CENPL: variants seen among roughly 807,000 people sequenced by gnomAD.
The protein encoded by CENPL is centromere protein L, also known as interphase centromere complex protein 33.
In CENPL, 20 loss-of-function variants were observed where a neutral mutation model predicts 35.2. That is an observed-to-expected ratio of 0.57 (90% CI 0.40 to 0.83). The LOEUF (loss-of-function observed/expected upper bound fraction) is 0.83, where lower values mean the gene tolerates loss of function less well. Ranked by LOEUF, CENPL falls within the 40% of genes least tolerant of loss-of-function variation. The pLI is 0.00. For missense variants in CENPL, 363 were observed against 395.8 expected (o/e 0.92, Z 0.70); for synonymous variants, 140 against 140.6 (o/e 1.00, Z 0.03).
At chr1:173,821,559 G>A (rs1289224413) in intron 2 of CENPL, among the ~76,000 whole-genome samples, 1 of 152,156 alleles carries the variant, frequency 6.6e-6, no homozygotes, top group Non-Finnish European at 1.5e-5. Flanking sequence ...TGTCAATTGT[G>A]TATTTAATGT....
intron 2 of CENPL, among the ~76,000 whole-genome samples, chr1:173,816,605 T>C (rs1651403003): frequency 6.6e-6 from 1 of 152,180 alleles, no homozygotes; most frequent in Admixed American, 6.5e-5. Flanking sequence ...ATTTAATAAA[T>C]GGTGCTGGGA....
intron 5 of CENPL, among the ~76,000 whole-genome samples, chr1:173,802,755 A>T (rs1649867140): frequency 6.6e-6 from 1 of 152,208 alleles, no homozygotes; most frequent in Non-Finnish European, 1.5e-5. Flanking sequence ...CCAAAAGCTG[A>T]AGCACACAGC....
At position 173,803,354 on chromosome 1, in the gene CENPL, G is replaced by C; in HGVS notation, c.572C>G (p.Ser191Cys). 6.2e-7 allele frequency: 1 copy of C among 1,614,058 alleles called. No homozygotes were observed. Among genetic ancestry groups the C allele is most frequent in the Non-Finnish European group, 8.5e-7 (1 of 1,179,942 alleles). The change falls in exon 5 of 6, where the codon TCT (serine) becomes TGT (cysteine). Residue 191 changes from serine (S) to cysteine (C), a missense_variant. By Grantham distance (112) the Ser-to-Cys change is moderately radical (BLOSUM62 -1). Transcript: ENST00000682279. ...CCAAGTTCCAATTATTGCTGTGTTAGACTCTGCTCCATTTGCAAGGAATAA... is the reference window on the plus strand; with the variant it reads ...CCAAGTTCCAATTATTGCTGTGTTACACTCTGCTCCATTTGCAAGGAATAA... ...LPLFLANGAESNTAIIGTWFQ... is the reference protein window; with the variant it reads ...LPLFLANGAECNTAIIGTWFQ...
chr1:173,815,568 A>T (rs902727068), intron 2 of CENPL, among the ~76,000 whole-genome samples: 1 of 152,220 alleles, frequency 6.6e-6, no homozygotes, highest in Non-Finnish European at 1.5e-5. Flanking sequence ...TCACATAAAC[A>T]GAAACAACAA....
chr1:173,813,429 G>T (rs1051831244), intron 2 of CENPL, among the ~76,000 whole-genome samples: 5 of 152,156 alleles, frequency 3.3e-5, no homozygotes, highest in Non-Finnish European at 5.9e-5. Flanking sequence ...CAGAGAGAAA[G>T]GTCGGGTTAC....
chr1:173,810,916 C>A (rs1650753204), intron 3 of CENPL, among the ~76,000 whole-genome samples: 1 of 151,300 alleles, frequency 6.6e-6, no homozygotes, highest in South Asian at 2.1e-4. Flanking sequence ...GACTCTGTCT[C>A]AAAATAAATA....
intron 2 of CENPL, among the ~76,000 whole-genome samples, chr1:173,813,388 T>C (rs1036542601): frequency 7.9e-5 from 12 of 151,750 alleles, no homozygotes; most frequent in African/African-American, 2.7e-4. Context: ...TTCACCAAGG[T>C]TGAAATGAAG....
intron 2 of CENPL, among the ~76,000 whole-genome samples, chr1:173,814,809 C>T (rs1312736368): frequency 1.3e-5 from 2 of 151,990 alleles, no homozygotes; most frequent in East Asian, 1.9e-4. Context: ...CAAAAGCTAG[C>T]AGAAGGCAAG....
intron 3 of CENPL, among the ~76,000 whole-genome samples, chr1:173,809,360 G>A (rs778577263): frequency 1.7e-4 from 26 of 151,728 alleles, no homozygotes; most frequent in Non-Finnish European, 3.2e-4. Flanking sequence ...AGGGTGGGGA[G>A]GGTTGATCAC....
At chr1:173,812,688 C>G (rs1462188220) in intron 2 of CENPL, among the ~76,000 whole-genome samples, 1 of 152,138 alleles carries the variant, frequency 6.6e-6, no homozygotes, top group Non-Finnish European at 1.5e-5. Context: ...ACATCAAACA[C>G]CAAAGGTAGA....
chr1:173,806,898 A>AT (rs1007513089), intron 4 of CENPL, among the ~76,000 whole-genome samples: 1 of 152,122 alleles, frequency 6.6e-6, no homozygotes, highest in Non-Finnish European at 1.5e-5. Flanking sequence ...TTATACTAAA[A>AT]TTCTACTTAT....
At chr1:173,806,547 G>GTA in intron 4 of CENPL, 2 of 397,996 alleles carry the variant, frequency 5.0e-6, no homozygotes, top group South Asian at 3.4e-5. Context: ...TCGTGCCACT[G>GTA]TACTCCAGCC....
At position 173,820,217 on chromosome 1, in the gene CENPL, G is replaced by A. The variant is rs1039617210; in HGVS notation, c.-8+3709C>T. Among the ~76,000 whole-genome samples, 3 of 152,060 alleles carry A rather than the reference G, an allele frequency of 2.0e-5. No homozygotes were observed. In the East Asian group the frequency reaches 5.8e-4, roughly 29 times the overall value. On this transcript the variant is annotated intron_variant, in intron 2 of 5. Coordinates refer to ENST00000682279, the MANE Select transcript of CENPL (RefSeq NM_001387287.1). ...CATGTCAGTGCTCAAAAAGATTCAC[G>A]TTATGGGGCATTTCAGACTTCAGAT...
intron 2 of CENPL, among the ~76,000 whole-genome samples, chr1:173,820,510 T>A (rs1651842785): frequency 6.6e-6 from 1 of 151,722 alleles, no homozygotes; most frequent in Non-Finnish European, 1.5e-5. Flanking sequence ...TGAGACCCTC[T>A]CTAATTAATA....
intron 4 of CENPL, chr1:173,806,333 C>A (rs1650220681): frequency 3.9e-5 from 12 of 310,410 alleles, no homozygotes; most frequent in South Asian, 2.3e-4. Flanking sequence ...TGCCTGTAAT[C>A]CCAGCACTTT....
At chr1:173,805,300 C>G (rs966663008) in intron 4 of CENPL, among the ~76,000 whole-genome samples, 1 of 152,048 alleles carries the variant, frequency 6.6e-6, no homozygotes, top group Non-Finnish European at 1.5e-5. Context: ...GGGTGGATCA[C>G]GAGCTCAGGA....
At chr1:173,807,145 C>T in intron 4 of CENPL, 122 bp downstream of exon 4, 8 of 730,780 alleles carry the variant, frequency 1.1e-5, no homozygotes, top group Non-Finnish European at 1.4e-5. Flanking sequence ...TGATTTTGTA[C>T]ACAAACTACC....
rs200103202 is a variant in CENPL, at chr1:173,811,283, G to A, written c.17C>T (p.Ala6Val). MDSYS[A>V]PESTPSASSR... is the part of the protein sequence containing the mutation. ...GGATGCACTAGGAGTTGACTCTGGT[G>A]CACTGTAAGAATCCATGGTCTGTCT... Residue 6 changes from alanine to valine, a missense_variant, in exon 3 of 6, where the codon GCA becomes GTA. Physicochemically the swap from Ala to Val is moderately conservative, Grantham distance 64 (BLOSUM62 0). Transcript: ENST00000682279. 118 of 1,607,718 alleles carry A rather than the reference G, an allele frequency of 7.3e-5. No homozygotes were observed. In the Middle Eastern group the frequency reaches 1.3e-3, roughly 18 times the overall value.
At chr1:173,820,642 T>C (rs1187538892) in intron 2 of CENPL, among the ~76,000 whole-genome samples, 5 of 152,216 alleles carry the variant, frequency 3.3e-5, no homozygotes, top group Non-Finnish European at 7.3e-5. Flanking sequence ...TCATAGTAGC[T>C]TTATTCATAA....
Sources: allele counts gnomAD v4.1 joint callset (sites outside exome capture counted in the v4.1 genomes callset), GRCh38; gene constraint gnomAD v4.1.1; transcripts MANE v1.5; gene names NCBI Gene and HGNC (gene_info 2026-07-23, HGNC 2026-07-21).